SMAD4: variants seen among roughly 807,000 people sequenced by gnomAD.
SMAD4 encodes the protein SMAD family member 4.
In SMAD4, 7 loss-of-function variants were observed where a neutral mutation model predicts 63.2. The observed-to-expected ratio is 0.11, with a 90% CI of 0.06 to 0.21. The LOEUF (loss-of-function observed/expected upper bound fraction) is 0.21. SMAD4 is among the 10% of genes least tolerant of loss of function. The pLI is 1.00. For synonymous variants in SMAD4, 215 were observed against 235.4 expected, an observed-to-expected ratio of 0.91 and a Z score of 0.79; for missense variants, 312 against 693.8, an observed-to-expected ratio of 0.45 and a Z score of 6.18.
At position 51,070,892 on chromosome 18, in the gene SMAD4, G is replaced by A. The variant is rs554794852; in HGVS notation, c.1308+3705G>A. Reference sequence around the variant, plus strand: ...GCAAGGGTAATGATGCTGGGATATTGTTAACATTGTTCTGTTTTATTATTA... The same window carrying A: ...GCAAGGGTAATGATGCTGGGATATTATTAACATTGTTCTGTTTTATTATTA... On this transcript the variant is annotated intron_variant, in intron 10 of 11. Coordinates refer to ENST00000342988, the MANE Select transcript of SMAD4 (RefSeq NM_005359.6). Among the ~76,000 whole-genome samples the A allele has an allele frequency of 4.6e-5, 7 of 152,172 alleles. No homozygotes were observed. The South Asian group carries it at 1.5e-3, about 32-fold the overall frequency.
intron 11 of SMAD4, 97 bp downstream of exon 11, chr18:51,076,873 T>C (rs1444351342): frequency 1.0e-6 from 1 of 976,432 alleles, no homozygotes; most frequent in African/African-American, 1.7e-5. Context: ...TAATAGAAAT[T>C]AAAGTTTTTT....
At chr18:51,068,130 A>G (rs1296045336) in intron 10 of SMAD4, among the ~76,000 whole-genome samples, 1 of 152,238 alleles carries the variant, frequency 6.6e-6, no homozygotes, top group Non-Finnish European at 1.5e-5. Flanking sequence ...CATAGCATCC[A>G]TAAAAATGGA....
chr18:51,047,976 T>G (rs1384624286), intron 2 of SMAD4, among the ~76,000 whole-genome samples: 2 of 152,180 alleles, frequency 1.3e-5, no homozygotes, highest in Non-Finnish European at 2.9e-5. Context: ...CCTTTTATAA[T>G]TTAGAAATCT....
rs527695944 is a variant in SMAD4 at position 51,043,097 on chromosome 18, T to C, written c.-127-3823T>C. On this transcript the variant is annotated intron_variant, in intron 1 of 11. Transcript: ENST00000342988. ...ATTAAGCTTTTCCTCCTTTTTGTTA[T>C]AGTTAGGGCATTGTTAAATTTTCAA... Among the ~76,000 whole-genome samples the C allele has an allele frequency of 1.1e-4, 17 of 152,344 alleles. 1 individual carries two copies. The highest frequency in any genetic ancestry group is 2.6e-4 in the Admixed American group (4 of 15,302).
intron 8 of SMAD4, 88 bp downstream of exon 8, chr18:51,060,004 G>A: frequency 1.0e-6 from 1 of 992,748 alleles, no homozygotes; most frequent in Non-Finnish European, 1.6e-6. Flanking sequence ...TGGAATTATG[G>A]GGTCACTTCT....
rs1057520443 is a variant in SMAD4 at position 51,065,481 on chromosome 18, A to G, written c.1014A>G (p.Thr338=). Residue 338 remains threonine, a synonymous_variant, in exon 9 of 12, where the codon ACA becomes ACG. Transcript: ENST00000342988. ...AAATGGATGTTCAGGTAGGAGAGACATTTAAGGTTCCTTCAAGCTGCCCTA... is the reference window on the plus strand; with the variant it reads ...AAATGGATGTTCAGGTAGGAGAGACGTTTAAGGTTCCTTCAAGCTGCCCTA... ...YFEMDVQVGE[T]FKVPSSCPIV... is the part of the protein sequence containing the mutation. 1 of 1,614,086 alleles carries G rather than the reference A, an allele frequency of 6.2e-7. No homozygotes were observed. The highest frequency in any genetic ancestry group is 2.2e-5 in the East Asian group (1 of 44,862).
chr18:51,030,601 C>T lies in SMAD4; in HGVS notation c.-150C>T, dbSNP rs1034918073. The T allele has an allele frequency of 1.3e-5, 2 of 150,726 alleles. No homozygotes were observed. The highest frequency in any genetic ancestry group is 3.0e-5 in the Non-Finnish European group (2 of 67,576). The allele number at this position is 150,726 out of a possible 1,614,324, so 9.3% of individuals were successfully genotyped here. The stretch of plus-strand genomic sequence containing the variant: ...ACCAGCAGCGCGGGAGAGCGGACTC[C>T]CCTCGCCACCGCCCGAGCCCAGGTA... On this transcript the variant is annotated 5_prime_UTR_variant, in exon 1 of 12. Coordinates refer to ENST00000342988, the MANE Select transcript of SMAD4 (RefSeq NM_005359.6).
chr18:51,082,979 T>TC lies in SMAD4; in HGVS notation c.*4512_*4513insC. On this transcript the variant is annotated 3_prime_UTR_variant, in exon 12 of 12. Coordinates refer to ENST00000342988, the MANE Select transcript of SMAD4 (RefSeq NM_005359.6). Reference sequence around the variant, plus strand: ...AAGTGCTGAAAAAGACCTCATTGTATTGGCATTTGATATCAGTTTGATGTA... The same window carrying TC: ...AAGTGCTGAAAAAGACCTCATTGTATCTGGCATTTGATATCAGTTTGATGTA... The TC allele has an allele frequency of 4.4e-6, 1 of 226,212 alleles. No homozygotes were observed. Among genetic ancestry groups the TC allele is most frequent in the African/African-American group, 2.2e-5 (1 of 44,974 alleles). 14.0% of individuals were successfully genotyped at this position (226,212 alleles called of 1,614,324 possible).
intron 8 of SMAD4, among the ~76,000 whole-genome samples, chr18:51,060,792 C>G (rs1254761643): frequency 1.3e-5 from 2 of 152,116 alleles, no homozygotes; most frequent in Non-Finnish European, 2.9e-5. Context: ...GGCCACCATG[C>G]CTGGCTAATG....
intron 1 of SMAD4, among the ~76,000 whole-genome samples, chr18:51,041,046 T>C (rs1909364473): frequency 6.6e-6 from 1 of 152,172 alleles, no homozygotes. Flanking sequence ...TAGAAATAGC[T>C]CACTGATTTC....
chr18:51,057,507 T>C (rs1390017133), intron 5 of SMAD4, among the ~76,000 whole-genome samples: 1 of 152,200 alleles, frequency 6.6e-6, no homozygotes, highest in East Asian at 1.9e-4. Flanking sequence ...ATAAAAGCTC[T>C]TGAAAAAATT....
chr18:51,066,068 G>T (rs1910141543), intron 9 of SMAD4, among the ~76,000 whole-genome samples: 1 of 151,972 alleles, frequency 6.6e-6, no homozygotes, highest in Non-Finnish European at 1.5e-5. Context: ...TTTATATAAT[G>T]AGGCTGGGTG....
At chr18:51,048,324 A>G (rs892303894) in intron 2 of SMAD4, among the ~76,000 whole-genome samples, 9 of 151,914 alleles carry the variant, frequency 5.9e-5, no homozygotes, top group African/African-American at 2.2e-4. Context: ...TGCCTGGGTA[A>G]TTTTTTATTA....
At chr18:51,068,277 T>C (rs756540098) in intron 10 of SMAD4, among the ~76,000 whole-genome samples, 9 of 152,214 alleles carry the variant, frequency 5.9e-5, no homozygotes, top group Non-Finnish European at 1.3e-4. Context: ...CATGTACCTA[T>C]CATCCAGCTG....
At chr18:51,035,750 G>C (rs1311112098) in intron 1 of SMAD4, among the ~76,000 whole-genome samples, 1 of 152,144 alleles carries the variant, frequency 6.6e-6, no homozygotes, top group Non-Finnish European at 1.5e-5. Context: ...GGCATGTTCA[G>C]CTCTCCATTT....
In SMAD4 at chr18:51,046,457, G is replaced by A. The variant is rs1370614099; in HGVS notation, c.-127-463G>A. On this transcript the variant is annotated intron_variant, in intron 1 of 11. Coordinates refer to ENST00000342988, the MANE Select transcript of SMAD4 (RefSeq NM_005359.6). ...TTGGGGTTTTTTTTTTTTTTTAATT[G>A]GTCTCTTTTAACAAAGGTGAGTGTT... Among the ~76,000 whole-genome samples the A allele has an allele frequency of 3.6e-5, 5 of 137,296 alleles. No homozygotes were observed. In the East Asian group the frequency reaches 1.1e-3, roughly 30 times the overall value. The allele number at this position is 137,296 out of a possible 152,430, so 90.1% of individuals were successfully genotyped here.
At chr18:51,030,936 G>A (rs1909029746) in intron 1 of SMAD4, among the ~76,000 whole-genome samples, 2 of 152,126 alleles carry the variant, frequency 1.3e-5, no homozygotes, top group Admixed American at 6.5e-5. Flanking sequence ...GTAGTTTCAC[G>A]GTCGCCCCGG....
Position 51,065,473 on chromosome 18 carries a change from G to C in SMAD4, c.1006G>C (p.Gly336Arg), listed in dbSNP as rs878854763. ...IAYFEMDVQV[G>R]ETFKVPSSCP... ...TTACTTTGAAATGGATGTTCAGGTA[G>C]GAGAGACATTTAAGGTTCCTTCAAG... The change falls in exon 9 of 12, where the codon GGA (glycine) becomes CGA (arginine). Residue 336 changes from glycine to arginine, a missense_variant. Transcript: ENST00000342988. 6.2e-7 allele frequency: 1 copy of C among 1,613,974 alleles called. No individual in the cohort carries two copies. Among genetic ancestry groups the C allele is most frequent in the Non-Finnish European group, 8.5e-7 (1 of 1,179,964 alleles).
chr18:51,054,630 C>G, intron 4 of SMAD4, 151 bp from the exon 5 acceptor site: 1 of 624,202 alleles, frequency 1.6e-6, no homozygotes, highest in Non-Finnish European at 2.8e-6. Flanking sequence ...AAGTAGTATG[C>G]TTTTAAAATA....
Sources: allele counts gnomAD v4.1 joint callset (sites outside exome capture counted in the v4.1 genomes callset), GRCh38; gene constraint gnomAD v4.1.1; transcripts MANE v1.5; gene names NCBI Gene and HGNC (gene_info 2026-07-23, HGNC 2026-07-21).